LIMK1: variants seen among roughly 807,000 people sequenced by gnomAD.
LIMK1 encodes the protein LIM domain kinase 1.
A neutral mutation model predicts 77.6 loss-of-function variants in LIMK1; 21 were observed. The observed-to-expected ratio is 0.27, with a 90% CI of 0.19 to 0.39. The LOEUF (loss-of-function observed/expected upper bound fraction) is 0.39, where lower values mean the gene tolerates loss of function less well. Ranked by LOEUF, LIMK1 falls within the 10% of genes least tolerant of loss-of-function variation. LIMK1 has a pLI of 1.00. For synonymous variants in LIMK1, 358 were observed against 370.0 expected (o/e 0.97, Z 0.37); for missense variants, 696 against 901.6 (o/e 0.77, Z 2.92).
Position 74,107,888 on chromosome 7 carries a change from A to C in LIMK1, c.1083A>C (p.Thr361=). ...GQAIKVTHRE[T]GEVMVMKELI... ...ACACGCAGGTGACACACCGTGAGAC[A>C]GGTGAGGTGATGGTGATGAAGGAGC... The change falls in exon 9 of 16, where the codon ACA becomes ACC. Residue 361 remains threonine, a synonymous_variant. Transcript: ENST00000336180. The C allele has an allele frequency of 6.4e-7, 1 of 1,574,616 alleles. No homozygotes were observed. The highest frequency in any genetic ancestry group is 1.2e-5 in the South Asian group (1 of 85,566).
In LIMK1 at chr7:74,111,662, A is replaced by G. The variant is rs370539126; in HGVS notation, c.1299A>G (p.Pro433=). 36 of 1,613,342 alleles carry G rather than the reference A, an allele frequency of 2.2e-5. No homozygotes were observed. The highest frequency in any genetic ancestry group is 2.9e-5 in the Non-Finnish European group (34 of 1,179,704). Residue 433 remains proline, a synonymous_variant, in exon 11 of 16, where the codon CCA becomes CCG. Coordinates refer to ENST00000336180, the MANE Select transcript of LIMK1 (RefSeq NM_002314.4). ...CTCCATCCCAGGACAGCCAGTACCC[A>G]TGGAGCCAGAGAGTGAGCTTTGCCA... ...GIIKSMDSQY[P]WSQRVSFAKD...
Position 74,089,712 on chromosome 7 carries a change from T to C in LIMK1, c.152+3868T>C, listed in dbSNP as rs1584106319. On this transcript the variant is annotated intron_variant, in intron 2 of 15. Transcript: ENST00000336180. ...AGCTGGAGGGGACATGGGCTATCCA[T>C]GGTGGCTGTGTCCTGCCCAGAGCTA... 2.0e-5 allele frequency among the ~76,000 whole-genome samples: 3 copies of C among 151,948 alleles called. No individual in the cohort carries two copies. The East Asian group carries it at 5.8e-4, about 30-fold the overall frequency.
intron 3 of LIMK1, 94 bp from the exon 4 acceptor site, chr7:74,096,986 T>G: frequency 8.8e-7 from 1 of 1,140,468 alleles, no homozygotes; most frequent in South Asian, 1.5e-5. Flanking sequence ...GCAGTTGTTT[T>G]TTTGGTGACA....
intron 4 of LIMK1, among the ~76,000 whole-genome samples, chr7:74,098,475 A>T (rs528877867): frequency 1.3e-5 from 2 of 152,316 alleles, no homozygotes; most frequent in South Asian, 4.1e-4. Flanking sequence ...GCGAGTAGAC[A>T]GACCCGAATG....
At chr7:74,114,407 C>T (rs1159465033) in intron 12 of LIMK1, among the ~76,000 whole-genome samples, 1 of 151,728 alleles carries the variant, frequency 6.6e-6, no homozygotes, top group East Asian at 1.9e-4. Flanking sequence ...AAAAAATTAG[C>T]TGGCATGGTG....
chr7:74,100,183 G>T (rs1384067149), intron 5 of LIMK1, among the ~76,000 whole-genome samples: 1 of 152,078 alleles, frequency 6.6e-6, no homozygotes, highest in African/African-American at 2.4e-5. Context: ...GCTACAGTGA[G>T]CTATAATTGC....
At chr7:74,101,472 A>G (rs1188570675) in intron 5 of LIMK1, among the ~76,000 whole-genome samples, 1 of 152,184 alleles carries the variant, frequency 6.6e-6, no homozygotes, top group Admixed American at 6.6e-5. Flanking sequence ...GACACCATGC[A>G]TTCCAGCTTG....
chr7:74,094,804 G>A (rs1799308196), intron 2 of LIMK1, among the ~76,000 whole-genome samples: 1 of 150,914 alleles, frequency 6.6e-6, no homozygotes, highest in African/African-American at 2.4e-5. Context: ...TGACCCTGAC[G>A]TGGCGTCTCC....
chr7:74,107,761 A>G, intron 8 of LIMK1, 110 bp from the exon 9 acceptor site: 3 of 764,580 alleles, frequency 3.9e-6, no homozygotes, highest in South Asian at 3.1e-5. Flanking sequence ...AGCCTAGAGT[A>G]TGAAGCCATC....
chr7:74,091,122 C>G (rs1426739563), intron 2 of LIMK1, among the ~76,000 whole-genome samples: 13 of 151,988 alleles, frequency 8.6e-5, no homozygotes, highest in African/African-American at 3.1e-4. Context: ...GACGAGGTTT[C>G]GCTGTGTGAG....
In LIMK1 at chr7:74,108,967, G is replaced by A. The variant is rs1799640242; in HGVS notation, c.1215G>A (p.Lys405=). Residue 405 remains lysine (K), a synonymous_variant, in exon 10 of 16, where the codon AAG becomes AAA. Transcript: ENST00000336180. The part of the protein sequence containing the change: ...NVLKFIGVLY[K]DKRLNFITEY... ...TCAAGTTCATCGGGGTGCTCTACAA[G>A]GACAAGAGGCTCAACTTCATCACTG... is the stretch of plus-strand genomic sequence containing the variant. 9 of 1,614,104 alleles carry A rather than the reference G, an allele frequency of 5.6e-6. No individual in the cohort carries two copies. Among genetic ancestry groups the A allele is most frequent in the Non-Finnish European group, 7.6e-6 (9 of 1,180,006 alleles).
At position 74,119,221 on chromosome 7, in the gene LIMK1, C is replaced by T. The variant is rs1382272886; in HGVS notation, c.1568-1362C>T. Among the ~76,000 whole-genome samples the T allele has an allele frequency of 4.1e-5, 6 of 146,954 alleles. 1 individual carries two copies. Among genetic ancestry groups the T allele is most frequent in the African/African-American group, 1.5e-4 (6 of 39,706 alleles). On this transcript the variant is annotated intron_variant, in intron 13 of 15. Coordinates refer to ENST00000336180, the MANE Select transcript of LIMK1 (RefSeq NM_002314.4). ...TGAGATGGAGTCTTGCATTGTCACC[C>T]AGGCTGGAGTACAGTGGCGTGATCT...
chr7:74,093,270 A>G (rs1554695049), intron 2 of LIMK1: 1 of 1,535,946 alleles, frequency 6.5e-7, no homozygotes, highest in South Asian at 1.2e-5. Context: ...CTTCAGCCCC[A>G]AGAAGACGCC....
chr7:74,109,316 C>T (rs139485026), intron 10 of LIMK1: 279 of 412,124 alleles, frequency 6.8e-4, no homozygotes, highest in African/African-American at 5.4e-3. Flanking sequence ...GCTGTGATCT[C>T]ACCACTGCAC....
At chr7:74,093,022 C>A in intron 2 of LIMK1, 1 of 963,212 alleles carries the variant, frequency 1.0e-6, no homozygotes, top group Non-Finnish European at 1.5e-6. Flanking sequence ...CGCTCCCCAC[C>A]CGCACCAAAG....
At chr7:74,084,095 G>A (rs1424169609) in intron 1 of LIMK1, 50 bp downstream of exon 1, 36 of 1,095,278 alleles carry the variant, frequency 3.3e-5, no homozygotes, top group Non-Finnish European at 4.2e-5. Flanking sequence ...GGTGCCCGGG[G>A]CAGCGTGGGG....
In LIMK1 at chr7:74,102,484, C is replaced by CTTTTTTTTTTTTTTTTTTTTTT; in HGVS notation, c.608+3264_608+3265insTTTTTTTTTTTTTTTTTTTTTT. 3.5e-3 allele frequency among the ~76,000 whole-genome samples: 188 copies of CTTTTTTTTTTTTTTTTTTTTTT among 54,058 alleles called. 65 individuals are homozygous for CTTTTTTTTTTTTTTTTTTTTTT. Among genetic ancestry groups the CTTTTTTTTTTTTTTTTTTTTTT allele is most frequent in the East Asian group, 5.5e-3 (7 of 1,262 alleles). The allele number at this position is 54,058 out of a possible 152,430, so 35.5% of individuals were successfully genotyped here. A position where few individuals can be genotyped will look rare whatever the true frequency, so the allele number is the denominator to read the frequency against. On this transcript the variant is annotated intron_variant, in intron 5 of 15. Transcript: ENST00000336180. ...GATATTCTCAAAAGAAGGACCTTCT[C>CTTTTTTTTTTTTTTTTTTTTTT]TTTTTTTTTTTTTTTTTTGGAGACA...
chr7:74,104,819 A>C (rs1799535231), intron 5 of LIMK1, among the ~76,000 whole-genome samples: 1 of 152,146 alleles, frequency 6.6e-6, no homozygotes, highest in Non-Finnish European at 1.5e-5. Flanking sequence ...CAGGAGCAAT[A>C]GAGCTTGGCC....
At position 74,109,048 on chromosome 7, in the gene LIMK1, G is replaced by A. The variant is rs943635978; in HGVS notation, c.1284+12G>A. The A allele has an allele frequency of 3.7e-6, 6 of 1,605,016 alleles. No individual in the cohort carries two copies. Among genetic ancestry groups the A allele is most frequent in the Non-Finnish European group, 4.3e-6 (5 of 1,174,316 alleles). Reference sequence around the variant, plus strand: ...TCATCAAGAGCATGGTGAGTCCTGGGCAGAGCCAGCCACCCCCGCTGTGCG... The same window carrying A: ...TCATCAAGAGCATGGTGAGTCCTGGACAGAGCCAGCCACCCCCGCTGTGCG... On this transcript the variant is annotated intron_variant, in intron 10 of 15. Transcript: ENST00000336180.
Sources: gnomAD v4.1 joint callset for allele counts (sites outside exome capture counted in the v4.1 genomes callset) on GRCh38, gnomAD v4.1.1 for gene constraint, MANE v1.5 for transcripts, NCBI Gene and HGNC (gene_info 2026-07-23, HGNC 2026-07-21) for gene names.